TPCN1: variants seen among roughly 807,000 people sequenced by gnomAD.
TPCN1 encodes the protein two pore channel protein 1.
TPCN1 carries 52 observed loss-of-function variants against 108.8 expected under a neutral mutation model. The observed-to-expected ratio is 0.48, with a 90% CI of 0.38 to 0.60. The LOEUF (loss-of-function observed/expected upper bound fraction) is 0.60. TPCN1 is among the 20% of genes least tolerant of loss of function. The pLI is 0.00. For synonymous variants in TPCN1, 446 were observed against 433.7 expected (o/e 1.03, Z -0.35); for missense variants, 806 against 1,072.8 (o/e 0.75, Z 3.47).
At chr12:113,293,187 G>A in intron 26 of TPCN1, 82 bp from the exon 27 acceptor site, 18 of 1,604,166 alleles carry the variant, frequency 1.1e-5, no homozygotes, top group Non-Finnish European at 1.5e-5. Flanking sequence ...AAAAGCCAGA[G>A]AAGTGGGAGA....
At chr12:113,257,655 C>T (rs1954875354) in intron 2 of TPCN1, among the ~76,000 whole-genome samples, 1 of 152,166 alleles carries the variant, frequency 6.6e-6, no homozygotes, top group African/African-American at 2.4e-5. Context: ...CTAGCTATTT[C>T]ACCTCTAGCT....
intron 14 of TPCN1, among the ~76,000 whole-genome samples, chr12:113,279,387 A>ATT (rs1251575479): frequency 0.071 from 1,372 of 19,384 alleles, 95 homozygotes; most frequent in Middle Eastern, 0.12. Flanking sequence ...ATATATATAT[A>ATT]TATATTTTTT....
At chr12:113,258,940 T>C (rs552357105) in intron 2 of TPCN1, among the ~76,000 whole-genome samples, 3 of 152,294 alleles carry the variant, frequency 2.0e-5, no homozygotes, top group African/African-American at 7.2e-5. Context: ...ACACATTTGC[T>C]TTCTGCCAAC....
chr12:113,295,460 AAAAG>A (rs1956394541), intron 27 of TPCN1, among the ~76,000 whole-genome samples: 1 of 151,786 alleles, frequency 6.6e-6, no homozygotes, highest in Non-Finnish European at 1.5e-5. Context: ...AAAAAAAAAA[AAAAG>A]GAAATGTGGG....
chr12:113,247,413 C>T (rs1954440245), intron 2 of TPCN1, among the ~76,000 whole-genome samples: 1 of 152,230 alleles, frequency 6.6e-6, no homozygotes, highest in Non-Finnish European at 1.5e-5. Flanking sequence ...GCTTTCTGGG[C>T]CTGAAATGTC....
chr12:113,277,051 C>A lies in TPCN1; in HGVS notation c.1059+16C>A. 1.2e-6 allele frequency: 2 copies of A among 1,604,576 alleles called. No individual in the cohort carries two copies. The highest frequency in any genetic ancestry group is 1.1e-5 in the South Asian group (1 of 90,858). ...CAGCCAGAGGGTAGGAACTATGGGC[C>A]AGGGAGGGGCTTGGTCCCTGTCCTC... On this transcript the variant is annotated intron_variant, in intron 11 of 27. Transcript: ENST00000335509.
intron 17 of TPCN1, 91 bp from the exon 18 acceptor site, chr12:113,285,798 G>A: frequency 9.0e-7 from 1 of 1,114,448 alleles, no homozygotes; most frequent in Non-Finnish European, 1.4e-6. Context: ...CCAGCAGGGA[G>A]GCTGCAGACT....
At chr12:113,294,469 T>A (rs2004719) in intron 27 of TPCN1, among the ~76,000 whole-genome samples, 31,058 of 151,624 alleles carry the variant, frequency 0.2, 3,678 homozygotes, top group African/African-American at 0.32. Flanking sequence ...TCTACTAAAA[T>A]TACAAAATTT....
chr12:113,276,960 A>G lies in TPCN1; in HGVS notation c.984A>G (p.Lys328=), dbSNP rs779050227. 5 of 1,614,016 alleles carry G rather than the reference A, an allele frequency of 3.1e-6. No individual in the cohort carries two copies. The highest frequency in any genetic ancestry group is 1.7e-5 in the Admixed American group (1 of 60,028). ...TCGACACCTTCAATGACATTGAGAAACGCAAGTTCAAGTCTTTGCTACTGC... is the reference window on the plus strand; with the variant it reads ...TCGACACCTTCAATGACATTGAGAAGCGCAAGTTCAAGTCTTTGCTACTGC... The part of the protein sequence containing the change: ...VVFDTFNDIE[K]RKFKSLLLHK... Residue 328 remains lysine (K), a synonymous_variant, in exon 11 of 28, where the codon AAA becomes AAG. Coordinates refer to ENST00000335509, the MANE Select transcript of TPCN1 (RefSeq NM_017901.6).
At chr12:113,259,486 G>A (rs1566165817) in intron 2 of TPCN1, among the ~76,000 whole-genome samples, 1 of 152,150 alleles carries the variant, frequency 6.6e-6, no homozygotes, top group Non-Finnish European at 1.5e-5. Context: ...GGAAATTAAG[G>A]GGTAGATTTC....
intron 2 of TPCN1, among the ~76,000 whole-genome samples, chr12:113,254,468 C>A (rs1018924223): frequency 6.6e-6 from 1 of 152,174 alleles, no homozygotes; most frequent in African/African-American, 2.4e-5. Flanking sequence ...GATAATACAT[C>A]ATGACTAGGG....
In TPCN1 at chr12:113,277,016, G is replaced by A. The variant is rs756419315; in HGVS notation, c.1040G>A (p.Arg347His). The change falls in exon 11 of 28, where the codon CGC becomes CAC. Residue 347 changes from arginine to histidine, a missense_variant. Coordinates refer to ENST00000335509, the MANE Select transcript of TPCN1 (RefSeq NM_017901.6). ...HKRTAIQHAYRLLISQRRPAG... is the reference protein window; with the variant it reads ...HKRTAIQHAYHLLISQRRPAG... ...CGAACCGCTATCCAGCATGCCTACCGCCTGCTCATCAGCCAGAGGGTAGGA... is the reference window on the plus strand; with the variant it reads ...CGAACCGCTATCCAGCATGCCTACCACCTGCTCATCAGCCAGAGGGTAGGA... The A allele has an allele frequency of 1.6e-5, 26 of 1,613,608 alleles. No individual in the cohort carries two copies. Among genetic ancestry groups the A allele is most frequent in the Middle Eastern group, 1.7e-4 (1 of 6,056 alleles).
At chr12:113,277,865 G>A (rs1212414356) in intron 12 of TPCN1, among the ~76,000 whole-genome samples, 3 of 152,142 alleles carry the variant, frequency 2.0e-5, no homozygotes, top group African/African-American at 7.2e-5. Flanking sequence ...TTGCATTAAG[G>A]CCCCTGCTAA....
chr12:113,240,658 T>C (rs1203376430), intron 2 of TPCN1, among the ~76,000 whole-genome samples: 1 of 152,134 alleles, frequency 6.6e-6, no homozygotes, highest in Non-Finnish European at 1.5e-5. Flanking sequence ...GTTGTAGCAG[T>C]TGAGGGACAG....
intron 3 of TPCN1, among the ~76,000 whole-genome samples, chr12:113,265,812 T>A (rs1399936372): frequency 6.6e-6 from 1 of 152,152 alleles, no homozygotes; most frequent in African/African-American, 2.4e-5. Context: ...CCCTCTTTTT[T>A]AAGAGATGGT....
At position 113,226,827 on chromosome 12, in the gene TPCN1, T is replaced by C. The variant is rs377501953; in HGVS notation, c.-26T>C. The C allele has an allele frequency of 1.1e-5, 17 of 1,614,032 alleles. No homozygotes were observed. The highest frequency in any genetic ancestry group is 1.2e-5 in the Non-Finnish European group (14 of 1,180,032). On this transcript the variant is annotated 5_prime_UTR_variant, in exon 2 of 28. Transcript: ENST00000335509. ...ACTATTTCAAGCCCTGGATATCATATCCTGAGGGCCACAGGAGAAGAGAAC... is the reference window on the plus strand; with the variant it reads ...ACTATTTCAAGCCCTGGATATCATACCCTGAGGGCCACAGGAGAAGAGAAC...
In TPCN1 at chr12:113,284,537, C is replaced by G. The variant is rs2136715609; in HGVS notation, c.1343-44C>G. Reference sequence around the variant, plus strand: ...CAGCTGCGACCTGCAGATTTCTAAGCCCCCCTGTTATTTCTCTGTCTTTTA... The same window carrying G: ...CAGCTGCGACCTGCAGATTTCTAAGGCCCCCTGTTATTTCTCTGTCTTTTA... On this transcript the variant is annotated intron_variant, in intron 15 of 27. Coordinates refer to ENST00000335509, the MANE Select transcript of TPCN1 (RefSeq NM_017901.6). The surrounding 1 kb of genome is among the most constrained non-coding windows in gnomAD (Gnocchi z 4.1). The G allele has an allele frequency of 2.5e-6, 4 of 1,609,392 alleles. No individual in the cohort carries two copies. The highest frequency in any genetic ancestry group is 2.7e-5 in the African/African-American group (2 of 74,922).
chr12:113,295,891 G>A, intron 27 of TPCN1, 69 bp from the exon 28 acceptor site: 2 of 1,370,240 alleles, frequency 1.5e-6, no homozygotes, highest in Non-Finnish European at 2.0e-6. Context: ...TGGGCTGTGT[G>A]ACCTTGTGGG....
intron 2 of TPCN1, among the ~76,000 whole-genome samples, chr12:113,233,130 C>T (rs1349561788): frequency 1.3e-5 from 2 of 152,224 alleles, no homozygotes; most frequent in Non-Finnish European, 1.5e-5. Context: ...TTCCTCAGCC[C>T]TCCACATCTT....
Sources: allele counts gnomAD v4.1 joint callset (sites outside exome capture counted in the v4.1 genomes callset), GRCh38; gene constraint gnomAD v4.1.1; non-coding constraint Gnocchi (gnomAD v3.1); transcripts MANE v1.5; gene names NCBI Gene and HGNC (gene_info 2026-07-23, HGNC 2026-07-21).